The following GSDME variants were observed in gnomAD, a reference collection of about 807,000 sequenced individuals.
GSDME encodes the protein gasdermin E.
A neutral mutation model predicts 47.5 loss-of-function variants in GSDME; 44 were observed. That is an observed-to-expected ratio of 0.93 (90% CI 0.73 to 1.19). GSDME has a LOEUF of 1.19. Among genes scored for constraint, GSDME ranks in the 50% most tolerant of loss-of-function variants. GSDME has a pLI of 0.00. For synonymous variants in GSDME, 258 were observed against 252.8 expected (o/e 1.02, Z -0.20); for missense variants, 663 against 604.2 (o/e 1.10, Z -1.02).
the GSDME span, among the ~76,000 whole-genome samples, chr7:24,789,737 G>A: frequency 3.1e-4 from 47 of 152,244 alleles, no homozygotes; most frequent in Admixed American, 1.2e-3. Flanking sequence ...AGGAGTGGTC[G>A]CCTCCCTTAT....
intron 3 of GSDME, among the ~76,000 whole-genome samples, chr7:24,719,737 G>A (rs1584071696): frequency 6.6e-6 from 1 of 151,946 alleles, no homozygotes; most frequent in Admixed American, 6.5e-5. Context: ...AATTTGCAAT[G>A]AGCTGAGATC....
At position 24,699,327 on chromosome 7, in the gene GSDME, C is replaced by T. The variant is rs1788766532; in HGVS notation, c.1258-68G>A. 5.0e-6 allele frequency: 6 copies of T among 1,199,742 alleles called. No individual in the cohort carries two copies. The South Asian group carries it at 7.6e-5, about 15-fold the overall frequency. 74.3% of individuals were successfully genotyped at this position (1,199,742 alleles called of 1,614,324 possible). Reference sequence around the variant, plus strand: ...AAAAAATCCACATTGGATAGTAATGCACTTGTAGGTAATTCTGGGGGAAAA... The same window carrying T: ...AAAAAATCCACATTGGATAGTAATGTACTTGTAGGTAATTCTGGGGGAAAA... On this transcript the variant is annotated intron_variant, in intron 9 of 9. Transcript: ENST00000645220.
the GSDME span, among the ~76,000 whole-genome samples, chr7:24,783,731 G>A: frequency 6.6e-5 from 10 of 151,962 alleles, no homozygotes; most frequent in Non-Finnish European, 1.2e-4. Flanking sequence ...TGAGGGAGGG[G>A]AACTTCACAG....
intron 3 of GSDME, among the ~76,000 whole-genome samples, chr7:24,723,360 T>G (rs1261292841): frequency 1.3e-5 from 2 of 151,996 alleles, no homozygotes; most frequent in African/African-American, 4.8e-5. Context: ...TGTTCTCAGG[T>G]GCAGACCCAG....
chr7:24,707,150 T>C (rs1430311750), intron 7 of GSDME: 1 of 367,848 alleles, frequency 2.7e-6, no homozygotes, highest in Non-Finnish European at 5.4e-6. Flanking sequence ...ACCCAGGCTC[T>C]TTCGGCACAA....
chr7:24,706,235 C>T lies in GSDME; in HGVS notation c.1132G>A (p.Gly378Ser), dbSNP rs879024942. ...QGGCPGPEDA[G>S]SKQLFMTAYF... ...GCTGTCATAAACAGCTGCTTGCTGC[C>T]TGCATCCTCGGGGCCCGGACACCCA... The change falls in exon 8 of 10, where the codon GGC becomes AGC. Residue 378 changes from glycine (G) to serine (S), a missense_variant. Gly to Ser is a moderately conservative substitution (Grantham distance 56, BLOSUM62 0). Coordinates refer to ENST00000645220, the MANE Select transcript of GSDME (RefSeq NM_001127453.2). The T allele has an allele frequency of 1.9e-6, 3 of 1,614,248 alleles. No homozygotes were observed. The highest frequency in any genetic ancestry group is 2.2e-5 in the East Asian group (1 of 44,878).
chr7:24,715,746 G>A (rs549223860), intron 5 of GSDME, among the ~76,000 whole-genome samples: 8 of 152,232 alleles, frequency 5.3e-5, no homozygotes, highest in Admixed American at 3.3e-4. Flanking sequence ...TTGGAACTAC[G>A]GGCCTCAAGG....
Position 24,724,491 on chromosome 7 carries a change from C to T in GSDME, c.405-5273G>A, listed in dbSNP as rs552444592. 7.2e-5 allele frequency among the ~76,000 whole-genome samples: 11 copies of T among 152,236 alleles called. No individual in the cohort carries two copies. The highest frequency in any genetic ancestry group is 2.1e-4 in the South Asian group (1 of 4,806). ...TTGTTCTTCCTGGCGGGGGCGGCAA[C>T]GTGAAAGCAAGAACAGGAGGCCACT... On this transcript the variant is annotated intron_variant, in intron 3 of 9. Transcript: ENST00000645220. This position sits in a 1 kb window ranked among gnomAD's most constrained non-coding sequence, Gnocchi z 4.8.
intron 6 of GSDME, among the ~76,000 whole-genome samples, chr7:24,708,914 GT>G (rs1259582343): frequency 1.3e-5 from 2 of 152,040 alleles, no homozygotes; most frequent in African/African-American, 4.8e-5. Flanking sequence ...TTTTTTGTTT[GT>G]TTGTTTGTTT....
Position 24,749,610 on chromosome 7 carries a change from G to A in GSDME, c.165C>T (p.Ser55=). Residue 55 remains serine, a synonymous_variant, in exon 2 of 10, where the codon TCC becomes TCT. Transcript: ENST00000645220. Reference sequence around the variant, plus strand: ...CTATGAGTACATCGCCAAGGGTGAGGGATAAAAACTGGTACTTGGGTCTCT... The same window carrying A: ...CTATGAGTACATCGCCAAGGGTGAGAGATAAAAACTGGTACTTGGGTCTCT... ...CWQRPKYQFL[S]LTLGDVLIED... 6.2e-7 allele frequency: 1 copy of A among 1,614,016 alleles called. No individual in the cohort carries two copies. The highest frequency in any genetic ancestry group is 1.1e-5 in the South Asian group (1 of 91,066).
chr7:24,711,815 C>CA (rs35002301), intron 5 of GSDME, among the ~76,000 whole-genome samples: 21,625 of 96,856 alleles, frequency 0.22, 2,200 homozygotes, highest in African/African-American at 0.29. Context: ...ACCTTGTCTC[C>CA]AAAAAAAAAA....
chr7:24,710,564 A>G, intron 5 of GSDME, 176 bp from the exon 6 acceptor site: 1 of 623,160 alleles, frequency 1.6e-6, no homozygotes, highest in Non-Finnish European at 2.8e-6. Flanking sequence ...TTGCTTGACC[A>G]AAAGCCCAGC....
Position 24,716,436 on chromosome 7 carries a change from ACCATTGTC to A in GSDME, c.697+810_697+817del. The stretch of plus-strand genomic sequence containing the variant: ...TCATTTTTATAAATATAACTATAAT[ACCATTGTC>A]ACACCTAAAAAACTTCACAATTTAT... On this transcript the variant is annotated intron_variant, in intron 5 of 9. Coordinates refer to ENST00000645220, the MANE Select transcript of GSDME (RefSeq NM_001127453.2). This position sits in a 1 kb window ranked among gnomAD's most constrained non-coding sequence, Gnocchi z 4.5. 1 of 152,380 alleles carries A rather than the reference ACCATTGTC, an allele frequency of 6.6e-6. No homozygotes were observed. The highest frequency in any genetic ancestry group is 1.5e-5 in the Non-Finnish European group (1 of 68,188). The allele number at this position is 152,380 out of a possible 1,614,324, so 9.4% of individuals were successfully genotyped here. A position where few individuals can be genotyped will look rare whatever the true frequency, so the allele number is the denominator to read the frequency against.
chr7:24,747,971 A>G lies in GSDME; in HGVS notation c.211+1593T>C, dbSNP rs1363850255. On this transcript the variant is annotated intron_variant, in intron 2 of 9. Coordinates refer to ENST00000645220, the MANE Select transcript of GSDME (RefSeq NM_001127453.2). ...GCATAAGCCACTGCACCCAGCCCCA[A>G]CATTATTTATTAAGCACTAAATTGT... Among the ~76,000 whole-genome samples, 9 of 151,998 alleles carry G rather than the reference A, an allele frequency of 5.9e-5. No homozygotes were observed. The East Asian group carries it at 9.7e-4, about 16-fold the overall frequency.
chr7:24,706,337 C>G lies in GSDME; in HGVS notation c.1030G>C (p.Val344Leu). 1 of 1,613,460 alleles carries G rather than the reference C, an allele frequency of 6.2e-7. No homozygotes were observed. The highest frequency in any genetic ancestry group is 8.5e-7 in the Non-Finnish European group (1 of 1,179,864). Residue 344 changes from valine (V) to leucine (L), a missense_variant, in exon 8 of 10, where the codon GTG (valine) becomes CTG (leucine). Coordinates refer to ENST00000645220, the MANE Select transcript of GSDME (RefSeq NM_001127453.2). Reference sequence around the variant, plus strand: ...TGCCGGGGCTTCAGCTCCCCCAGCACCGCCACTGTGGGCGAGAGGCCGCTG... The same window carrying G: ...TGCCGGGGCTTCAGCTCCCCCAGCAGCGCCACTGTGGGCGAGAGGCCGCTG... ...LVSGLSPTVA[V>L]LGELKPRQQQ...
At chr7:24,700,599 A>G (rs1788824682) in intron 9 of GSDME, among the ~76,000 whole-genome samples, 1 of 152,168 alleles carries the variant, frequency 6.6e-6, no homozygotes, top group Non-Finnish European at 1.5e-5. Context: ...GAAGGGTAGC[A>G]CTCACTGGAA....
At position 24,710,259 on chromosome 7, in the gene GSDME, G is replaced by T. The variant is rs1351946572; in HGVS notation, c.827C>A (p.Ser276Tyr). 14 of 1,614,058 alleles carry T rather than the reference G, an allele frequency of 8.7e-6. No individual in the cohort carries two copies. The highest frequency in any genetic ancestry group is 1.1e-5 in the Non-Finnish European group (13 of 1,180,040). Residue 276 changes from serine to tyrosine, a missense_variant, in exon 6 of 10, where the codon TCT (serine) becomes TAT (tyrosine). Physicochemically the swap from Ser to Tyr is moderately radical, Grantham distance 144. Transcript: ENST00000645220. The stretch of plus-strand genomic sequence containing the variant: ...AACACTTAATGGTCCATCCTGGGAA[G>T]ATATCCCATGCGCAGCATCTGGCAT... ...IDMPDAAHGI[S>Y]SQDGPLSVLK...
intron 9 of GSDME, 149 bp from the exon 10 acceptor site, chr7:24,699,408 T>A: frequency 1.5e-6 from 1 of 684,618 alleles, no homozygotes; most frequent in East Asian, 2.8e-5. Context: ...AGTGGCGTGA[T>A]CTCGGCTCAC....
chr7:24,714,363 C>A lies in GSDME; in HGVS notation c.697+2891G>T, dbSNP rs1789465254. On this transcript the variant is annotated intron_variant, in intron 5 of 9. Coordinates refer to ENST00000645220, the MANE Select transcript of GSDME (RefSeq NM_001127453.2). This position sits in a 1 kb window ranked among gnomAD's most constrained non-coding sequence, Gnocchi z 5.0. ...GTCTTCTCAAGGGCCCTTCCAACCACTGCAGGTTTATGTCTATGAAGCTAT... is the reference window on the plus strand; with the variant it reads ...GTCTTCTCAAGGGCCCTTCCAACCAATGCAGGTTTATGTCTATGAAGCTAT... Among the ~76,000 whole-genome samples, 1 of 152,094 alleles carries A rather than the reference C, an allele frequency of 6.6e-6. No homozygotes were observed. Among genetic ancestry groups the A allele is most frequent in the Admixed American group, 6.5e-5 (1 of 15,284 alleles).
Sources: allele counts gnomAD v4.1 joint callset (sites outside exome capture counted in the v4.1 genomes callset), GRCh38; gene constraint gnomAD v4.1.1; non-coding constraint Gnocchi (gnomAD v3.1); transcripts MANE v1.5; gene names NCBI Gene and HGNC (gene_info 2026-07-23, HGNC 2026-07-21).